Variants in RYR2 observed in about 807,000 individuals in gnomAD.
The protein encoded by RYR2 is ryanodine receptor 2.
RYR2 carries 227 observed loss-of-function variants against 601.1 expected under a neutral mutation model. The observed-to-expected ratio is 0.38, with a 90% CI of 0.34 to 0.42. The LOEUF (loss-of-function observed/expected upper bound fraction) is 0.42. Ranked by LOEUF, RYR2 falls within the 10% of genes least tolerant of loss-of-function variation. The pLI is 1.00. For missense variants in RYR2, 4,646 were observed against 6,156.5 expected (o/e 0.75, Z 8.21); for synonymous variants, 2,223 against 2,175.1 (o/e 1.02, Z -0.61).
In RYR2 at chr1:237,445,473, A is replaced by G. The variant is rs545357663; in HGVS notation, c.1243A>G (p.Thr415Ala). ...GAGATCCCAGCATGAAGAATCACGC[A>G]CAGCCCGAGTTATCCGGAGCACAGT... ...LSRSQHEESR[T>A]ARVIRSTVFL... The change falls in exon 14 of 105, where the codon ACA (threonine) becomes GCA (alanine). Residue 415 changes from threonine (T) to alanine (A), a missense_variant. Thr to Ala is a moderately conservative substitution (Grantham distance 58). Coordinates refer to ENST00000366574, the MANE Select transcript of RYR2 (RefSeq NM_001035.3). 174 of 1,613,786 alleles carry G rather than the reference A, an allele frequency of 1.1e-4. No individual in the cohort carries two copies. In the South Asian group the frequency reaches 1.8e-3, roughly 17 times the overall value.
chr1:237,416,759 C>CAGAGAGAGAGAGAG (rs5781955), intron 10 of RYR2, among the ~76,000 whole-genome samples: 18 of 138,912 alleles, frequency 1.3e-4, no homozygotes, highest in African/African-American at 5.0e-4. Context: ...AACACACACA[C>CAGAGAGAGAGAGAG]ACACAGAGAG....
chr1:237,756,717 CT>C (rs918476988), intron 81 of RYR2, among the ~76,000 whole-genome samples: 2 of 152,156 alleles, frequency 1.3e-5, no homozygotes, highest in African/African-American at 4.8e-5. Flanking sequence ...ATATGTTCAG[CT>C]TCGAGGGTTA....
At chr1:237,485,823 G>A (rs990692259) in intron 17 of RYR2, among the ~76,000 whole-genome samples, 6 of 152,162 alleles carry the variant, frequency 3.9e-5, no homozygotes, top group Non-Finnish European at 7.3e-5. Context: ...CTGGTTTAGG[G>A]ACTGATATTC....
At position 237,271,756 on chromosome 1, in the gene RYR2, T is replaced by C. The variant is rs1225155522; in HGVS notation, c.168+1140T>C. Among the ~76,000 whole-genome samples the C allele has an allele frequency of 4.6e-5, 7 of 152,142 alleles. No individual in the cohort carries two copies. The East Asian group carries it at 1.3e-3, about 29-fold the overall frequency. The stretch of plus-strand genomic sequence containing the variant: ...GTGTCAGTAAATGTATAGGAGGAAG[T>C]GCAAGAGAGGTGACATGATTTCTAT... On this transcript the variant is annotated intron_variant, in intron 2 of 104. Transcript: ENST00000366574.
chr1:237,759,763 A>G lies in RYR2; in HGVS notation c.11326-13A>G. Reference sequence around the variant, plus strand: ...TTTGTTCAGTGGCCACGTGGTTTCTATAATTCCCATAGAAAATGCTTGACT... The same window carrying G: ...TTTGTTCAGTGGCCACGTGGTTTCTGTAATTCCCATAGAAAATGCTTGACT... On this transcript the variant is annotated splice_polypyrimidine_tract_variant and intron_variant, in intron 82 of 104. Coordinates refer to ENST00000366574, the MANE Select transcript of RYR2 (RefSeq NM_001035.3). The G allele has an allele frequency of 6.3e-7, 1 of 1,583,846 alleles. No individual in the cohort carries two copies. Among genetic ancestry groups the G allele is most frequent in the Non-Finnish European group, 8.7e-7 (1 of 1,152,692 alleles).
At chr1:237,826,637 G>C (rs573977427) in intron 101 of RYR2, among the ~76,000 whole-genome samples, 1 of 140,124 alleles carries the variant, frequency 7.1e-6, no homozygotes, top group Non-Finnish European at 1.6e-5. Flanking sequence ...AGAACTTAAA[G>C]TATAATAAAA....
chr1:237,536,974 C>T (rs1668707708), intron 25 of RYR2, among the ~76,000 whole-genome samples: 1 of 151,656 alleles, frequency 6.6e-6, no homozygotes, highest in South Asian at 2.1e-4. Flanking sequence ...AGGATATGAA[C>T]ATAATTCATA....
intron 1 of RYR2, among the ~76,000 whole-genome samples, chr1:237,266,619 A>G (rs1285186168): frequency 2.6e-5 from 4 of 152,202 alleles, no homozygotes; most frequent in Admixed American, 6.6e-5. Flanking sequence ...AATGTTCAGT[A>G]TATTTTACTT....
At chr1:237,164,040 C>G (rs1181648357) in intron 1 of RYR2, among the ~76,000 whole-genome samples, 1 of 152,154 alleles carries the variant, frequency 6.6e-6, no homozygotes, top group East Asian at 1.9e-4. Context: ...AATCCCAGCA[C>G]TTTGGGAGGC....
At chr1:237,289,515 G>T (rs768654996) in intron 2 of RYR2, among the ~76,000 whole-genome samples, 24 of 152,300 alleles carry the variant, frequency 1.6e-4, no homozygotes, top group Non-Finnish European at 2.8e-4. Context: ...GCAAGGAGAA[G>T]TGCTGTGCAA....
At chr1:237,124,298 G>A (rs973872641) in intron 1 of RYR2, among the ~76,000 whole-genome samples, 2 of 152,138 alleles carry the variant, frequency 1.3e-5, no homozygotes, top group African/African-American at 2.4e-5. Context: ...CACCGAGTGC[G>A]GGGGTCCCTT....
At chr1:237,173,075 T>C (rs1558365448) in intron 1 of RYR2, among the ~76,000 whole-genome samples, 1 of 152,170 alleles carries the variant, frequency 6.6e-6, no homozygotes, top group Non-Finnish European at 1.5e-5. Context: ...TACAAAAGCA[T>C]GTTGACTTAA....
At position 237,071,578 on chromosome 1, in the gene RYR2, C is replaced by T. The variant is rs114928207; in HGVS notation, c.48+29009C>T. ...GAGGAAGTGCGTGCTGATGGGTCCA[C>T]GGTCGGCCATGGCAGGCCTGGAAAA... On this transcript the variant is annotated intron_variant, in intron 1 of 104. Coordinates refer to ENST00000366574, the MANE Select transcript of RYR2 (RefSeq NM_001035.3). Among the ~76,000 whole-genome samples the T allele has an allele frequency of 7.4e-3, 1,123 of 152,170 alleles. 13 individuals are homozygous for T. Among genetic ancestry groups the T allele is most frequent in the African/African-American group, 0.024 (989 of 41,504 alleles).
intron 1 of RYR2, among the ~76,000 whole-genome samples, chr1:237,069,585 G>A (rs539490116): frequency 6.6e-6 from 1 of 152,056 alleles, no homozygotes; most frequent in Non-Finnish European, 1.5e-5. Flanking sequence ...GAAAATGCTT[G>A]ATGATTTTTT....
chr1:237,248,116 A>G (rs1002670103), intron 1 of RYR2, among the ~76,000 whole-genome samples: 3 of 152,052 alleles, frequency 2.0e-5, no homozygotes, highest in Non-Finnish European at 2.9e-5. Flanking sequence ...TACTAAAAAT[A>G]CAAAAATGAG....
chr1:237,643,927 T>G (rs1033514195), intron 48 of RYR2, among the ~76,000 whole-genome samples: 1 of 152,132 alleles, frequency 6.6e-6, no homozygotes, highest in Non-Finnish European at 1.5e-5. Context: ...TTTCCATTGT[T>G]TTTAAAGCTC....
At chr1:237,169,928 G>T (rs987690289) in intron 1 of RYR2, among the ~76,000 whole-genome samples, 11 of 151,836 alleles carry the variant, frequency 7.2e-5, no homozygotes, top group African/African-American at 1.7e-4. Flanking sequence ...ACTCAGTTTG[G>T]GCATCTCTTT....
chr1:237,419,988 G>C (rs1181914568), intron 11 of RYR2, among the ~76,000 whole-genome samples: 1 of 152,098 alleles, frequency 6.6e-6, no homozygotes, highest in Non-Finnish European at 1.5e-5. Flanking sequence ...TAATGCCAAT[G>C]TTTATATTCA....
intron 79 of RYR2, 71 bp from the exon 80 acceptor site, chr1:237,742,225 T>G: frequency 2.0e-6 from 2 of 976,974 alleles, no homozygotes; most frequent in Non-Finnish European, 3.1e-6. Context: ...CTTCTATGTC[T>G]AATGTTCTTT....
Sources: gnomAD v4.1 joint callset for allele counts (sites outside exome capture counted in the v4.1 genomes callset) on GRCh38, gnomAD v4.1.1 for gene constraint, MANE v1.5 for transcripts, NCBI Gene and HGNC (gene_info 2026-07-23, HGNC 2026-07-21) for gene names.